Variants in EBF4 observed in about 807,000 individuals in gnomAD.
EBF4 encodes the protein transcription factor COE4.
EBF4 carries 34 observed loss-of-function variants against 67.1 expected under a neutral mutation model. That is an observed-to-expected ratio of 0.51 (90% CI 0.39 to 0.67). The LOEUF (loss-of-function observed/expected upper bound fraction) is 0.67, where lower values mean the gene tolerates loss of function less well. EBF4 is among the 30% of genes least tolerant of loss of function. The pLI is 0.00. For missense variants in EBF4, 837 were observed against 873.3 expected (o/e 0.96, Z 0.52); for synonymous variants, 387 against 377.7 (o/e 1.02, Z -0.29).
In EBF4 at chr20:2,749,602, T is replaced by G; in HGVS notation, c.758-18T>G. ...CCTCAGCGCGGTCCCCTGACCTGGGTCCTCTCCTGCCTCCCAGCTGCCACC... is the reference window on the plus strand; with the variant it reads ...CCTCAGCGCGGTCCCCTGACCTGGGGCCTCTCCTGCCTCCCAGCTGCCACC... On this transcript the variant is annotated intron_variant, in intron 8 of 16. Coordinates refer to ENST00000609451, the Ensembl canonical transcript of EBF4. The G allele has an allele frequency of 6.4e-7, 1 of 1,551,392 alleles. No individual in the cohort carries two copies. The highest frequency in any genetic ancestry group is 8.7e-7 in the Non-Finnish European group (1 of 1,147,860).
In EBF4 at chr20:2,738,167, C is replaced by T. The variant is rs143701182; in HGVS notation, c.558-10382C>T. 1.7e-3 allele frequency among the ~76,000 whole-genome samples: 265 copies of T among 152,138 alleles called. 4 individuals are homozygous for T. The South Asian group carries it at 0.025, about 14-fold the overall frequency. Reference sequence around the variant, plus strand: ...TAGAAGATGCCAGGCCTTGCTAATACCCGCTACCCACCTCTCACCTGATTC... The same window carrying T: ...TAGAAGATGCCAGGCCTTGCTAATATCCGCTACCCACCTCTCACCTGATTC... On this transcript the variant is annotated intron_variant, in intron 6 of 16. Coordinates refer to ENST00000609451, the Ensembl canonical transcript of EBF4.
At chr20:2,694,946 A>G (rs544240455) in intron 1 of EBF4, among the ~76,000 whole-genome samples, 2 of 152,264 alleles carry the variant, frequency 1.3e-5, no homozygotes, top group East Asian at 3.9e-4. Flanking sequence ...AACTTTTACA[A>G]GGGATATAGC....
At position 2,756,764 on chromosome 20, in the gene EBF4, A is replaced by G. The variant is rs543776044; in HGVS notation, c.1738+940A>G. On this transcript the variant is annotated intron_variant, in intron 15 of 16. Transcript: ENST00000609451. The surrounding 1 kb of genome is among the most constrained non-coding windows in gnomAD (Gnocchi z 4.5). ...GGTTGGGTTAGAGCACGTCCTATTGAGTATTCCCCAAGACAATAATGGGTC... is the reference window on the plus strand; with the variant it reads ...GGTTGGGTTAGAGCACGTCCTATTGGGTATTCCCCAAGACAATAATGGGTC... Among the ~76,000 whole-genome samples, 17 of 152,350 alleles carry G rather than the reference A, an allele frequency of 1.1e-4. No homozygotes were observed. The highest frequency in any genetic ancestry group is 4.1e-4 in the African/African-American group (17 of 41,580).
At position 2,755,057 on chromosome 20, in the gene EBF4, T is replaced by A. The variant is rs1300950919; in HGVS notation, c.1541-570T>A. On this transcript the variant is annotated intron_variant, in intron 14 of 16. Coordinates refer to ENST00000609451, the Ensembl canonical transcript of EBF4. This position sits in a 1 kb window ranked among gnomAD's most constrained non-coding sequence, Gnocchi z 4.7. ...AAGTACCCCAGGGTGCAGGGGGAAG[T>A]GGGAGAGGGACAGAGGAGCATAGGG... The A allele has an allele frequency of 7.0e-6, 1 of 143,844 alleles. No individual in the cohort carries two copies. Among genetic ancestry groups the A allele is most frequent in the Non-Finnish European group, 1.5e-5 (1 of 67,226 alleles). 8.9% of individuals were successfully genotyped at this position (143,844 alleles called of 1,614,324 possible).
chr20:2,721,127 T>C (rs879600189), intron 6 of EBF4, among the ~76,000 whole-genome samples: 1 of 152,092 alleles, frequency 6.6e-6, no homozygotes, highest in African/African-American at 2.4e-5. Context: ...TTCATTCAAT[T>C]TGGAAAGTTT....
chr20:2,726,442 G>A (rs1402349901), intron 6 of EBF4, among the ~76,000 whole-genome samples: 2 of 152,022 alleles, frequency 1.3e-5, no homozygotes, highest in Admixed American at 1.3e-4. Flanking sequence ...ATTAGCCAGG[G>A]GTGATGGTGT....
Position 2,738,025 on chromosome 20 carries a change from G to A in EBF4, c.558-10524G>A, listed in dbSNP as rs148935543. On this transcript the variant is annotated intron_variant, in intron 6 of 16. Transcript: ENST00000609451. ...GGAACGTCCTGCCTCCAGAACCAGA[G>A]CCCACAGTCAGGGGTAGACATCCCA... Among the ~76,000 whole-genome samples, 311 of 151,968 alleles carry A rather than the reference G, an allele frequency of 2.0e-3. 1 individual carries two copies. Among genetic ancestry groups the A allele is most frequent in the Middle Eastern group, 6.8e-3 (2 of 292 alleles).
chr20:2,701,764 C>T (rs1347321439), intron 1 of EBF4, among the ~76,000 whole-genome samples: 1 of 152,202 alleles, frequency 6.6e-6, no homozygotes, highest in African/African-American at 2.4e-5. Flanking sequence ...GGCTAGATGA[C>T]AGGATATAAA....
chr20:2,714,059 G>T (rs1482028970), intron 6 of EBF4, among the ~76,000 whole-genome samples: 2 of 152,206 alleles, frequency 1.3e-5, no homozygotes, highest in African/African-American at 4.8e-5. Flanking sequence ...TGGAGTGAAG[G>T]TAAGTGATCT....
At chr20:2,697,492 C>T (rs575007967) in intron 1 of EBF4, among the ~76,000 whole-genome samples, 1 of 151,660 alleles carries the variant, frequency 6.6e-6, no homozygotes, top group South Asian at 2.1e-4. Context: ...TTGCAGTGAG[C>T]CGAGATCGCG....
At chr20:2,709,908 A>T (rs1422743207) in intron 6 of EBF4, among the ~76,000 whole-genome samples, 1 of 114,158 alleles carries the variant, frequency 8.8e-6, no homozygotes, top group African/African-American at 3.3e-5. Flanking sequence ...AGGGAGGTTG[A>T]GAGGGGGGTG....
chr20:2,710,580 A>G (rs2087529453), intron 6 of EBF4, among the ~76,000 whole-genome samples: 1 of 151,652 alleles, frequency 6.6e-6, no homozygotes, highest in Non-Finnish European at 1.5e-5. Flanking sequence ...TTTTTTGGTA[A>G]CAATATATTT....
intron 1 of EBF4, among the ~76,000 whole-genome samples, chr20:2,697,875 G>C (rs1258183781): frequency 3.3e-5 from 5 of 152,230 alleles, no homozygotes; most frequent in Non-Finnish European, 5.9e-5. Flanking sequence ...GAAGGCCCAG[G>C]CCAGACCTCC....
At position 2,748,446 on chromosome 20, in the gene EBF4, A is replaced by G; in HGVS notation, c.558-103A>G. 2.7e-6 allele frequency: 3 copies of G among 1,104,338 alleles called. No individual in the cohort carries two copies. The South Asian group carries it at 4.4e-5, about 16-fold the overall frequency. 68.4% of individuals were successfully genotyped at this position (1,104,338 alleles called of 1,614,324 possible). A position where few individuals can be genotyped will look rare whatever the true frequency, so the allele number is the denominator to read the frequency against. ...TGTGTGCCTGAGTGGGAGCAGGCAG[A>G]GGGGACTCATCCTGTGGGGAGGGGG... On this transcript the variant is annotated intron_variant, in intron 6 of 16. Transcript: ENST00000609451.
intron 1 of EBF4, among the ~76,000 whole-genome samples, chr20:2,699,690 C>T (rs1381337869): frequency 2.0e-5 from 3 of 152,234 alleles, no homozygotes; most frequent in Non-Finnish European, 4.4e-5. Flanking sequence ...AGCTGCATTT[C>T]TCTGGAAAAG....
At chr20:2,752,469 G>A in exon 14 of EBF4, 9 of 1,264,572 alleles carry the variant, frequency 7.1e-6, no homozygotes, top group Non-Finnish European at 8.0e-6. Flanking sequence ...GCTACGGCGC[G>A]CCGGGCGTGG....
Position 2,755,225 on chromosome 20 carries a change from C to G in EBF4, c.1541-402C>G. On this transcript the variant is annotated intron_variant, in intron 14 of 16. Transcript: ENST00000609451. This position sits in a 1 kb window ranked among gnomAD's most constrained non-coding sequence, Gnocchi z 4.7. The stretch of plus-strand genomic sequence containing the variant: ...TTCCAGCTCTTCTGTGACTCCTGAA[C>G]TATGACTCTAGCCTTGGCACCCCAA... 1 of 207,512 alleles carries G rather than the reference C, an allele frequency of 4.8e-6. No individual in the cohort carries two copies. The allele number at this position is 207,512 out of a possible 1,614,324, so 12.9% of individuals were successfully genotyped here.
At chr20:2,706,360 C>G in intron 4 of EBF4, 96 bp downstream of exon 4, 1 of 1,386,494 alleles carries the variant, frequency 7.2e-7, no homozygotes, top group Non-Finnish European at 1.0e-6. Flanking sequence ...CTGCCCTCAT[C>G]TCCCTATGCC....
upstream of EBF4, among the ~76,000 whole-genome samples, chr20:2,693,365 C>T (rs2087238719): frequency 1.3e-5 from 2 of 151,060 alleles, no homozygotes; most frequent in South Asian, 4.1e-4. This position sits in a 1 kb window ranked among gnomAD's most constrained non-coding sequence, Gnocchi z 4.6. Context: ...GCTCCCCGCC[C>T]TCCCCGCCCC....
Sources: gnomAD v4.1 joint callset for allele counts (sites outside exome capture counted in the v4.1 genomes callset) on GRCh38, gnomAD v4.1.1 for gene constraint, Gnocchi (gnomAD v3.1) non-coding constraint, MANE v1.5 for transcripts, NCBI Gene and HGNC (gene_info 2026-07-23, HGNC 2026-07-21) for gene names.